TMEM120B: variants seen among roughly 807,000 people sequenced by gnomAD.
TMEM120B encodes transmembrane protein 120B.
TMEM120B carries 31 observed loss-of-function variants against 55.5 expected under a neutral mutation model. That is an observed-to-expected ratio of 0.56 (90% confidence interval 0.42 to 0.75). TMEM120B has a LOEUF of 0.75. Among genes scored for constraint, TMEM120B ranks in the 30% least tolerant of loss-of-function variants. The pLI, the probability that TMEM120B is intolerant of heterozygous loss-of-function variation, is 0.00. For missense variants in TMEM120B, 399 were observed against 425.5 expected, an observed-to-expected ratio of 0.94 and a Z score of 0.55; for synonymous variants, 203 against 176.3, an observed-to-expected ratio of 1.15 and a Z score of -1.20.
chr12:121,736,497 G>A (rs1434641705), intron 1 of TMEM120B, among the ~76,000 whole-genome samples: 8 of 150,894 alleles, frequency 5.3e-5, no homozygotes, highest in South Asian at 2.1e-4. Context: ...CAGGTGATCC[G>A]CCTGCCTTGG....
At chr12:121,732,978 C>CA (rs773677592) in intron 1 of TMEM120B, among the ~76,000 whole-genome samples, 2,523 of 88,478 alleles carry the variant, frequency 0.029, 74 homozygotes, top group African/African-American at 0.082. Flanking sequence ...GACTCTGTCT[C>CA]AAAAAAAAAA....
At chr12:121,744,601 G>A (rs554017972) in intron 2 of TMEM120B, among the ~76,000 whole-genome samples, 4 of 152,262 alleles carry the variant, frequency 2.6e-5, no homozygotes, top group Admixed American at 1.3e-4. Context: ...GGCCTGGATC[G>A]TGTTCATTTC....
chr12:121,773,879 G>A (rs1874146411), intron 9 of TMEM120B, among the ~76,000 whole-genome samples: 1 of 151,764 alleles, frequency 6.6e-6, no homozygotes, highest in Admixed American at 6.6e-5. Context: ...CCATAGGAGT[G>A]CCAGCCAGAA....
chr12:121,716,565 C>CTTTTT (rs56037685), intron 1 of TMEM120B, among the ~76,000 whole-genome samples: 5 of 124,804 alleles, frequency 4.0e-5, no homozygotes, highest in Non-Finnish European at 8.0e-5. Flanking sequence ...TTTTTTCTTT[C>CTTTTT]TTTTTTTTTT....
chr12:121,775,814 T>C lies in TMEM120B; in HGVS notation c.*92T>C. ...AGCCCTCTCAGGCCCGTGGCATCGC[T>C]GGGAGAGGGCCCAGGCCCTGGTCCC... On this transcript the variant is annotated 3_prime_UTR_variant, in exon 12 of 12. Coordinates refer to ENST00000449592, the MANE Select transcript of TMEM120B (RefSeq NM_001080825.2). This position sits in a 1 kb window ranked among gnomAD's most constrained non-coding sequence, Gnocchi z 4.3. 1 of 1,385,376 alleles carries C rather than the reference T, an allele frequency of 7.2e-7. No homozygotes were observed. Among genetic ancestry groups the C allele is most frequent in the Non-Finnish European group, 1.0e-6 (1 of 993,506 alleles). The allele number at this position is 1,385,376 out of a possible 1,614,324, so 85.8% of individuals were successfully genotyped here.
At chr12:121,731,600 C>T (rs1245938147) in intron 1 of TMEM120B, among the ~76,000 whole-genome samples, 32 of 152,134 alleles carry the variant, frequency 2.1e-4, no homozygotes, top group Non-Finnish European at 7.4e-5. Context: ...AGGTTTGTAG[C>T]CCAGGAGCAA....
intron 5 of TMEM120B, among the ~76,000 whole-genome samples, chr12:121,754,932 C>T (rs1462348217): frequency 6.6e-6 from 1 of 152,182 alleles, no homozygotes; most frequent in Non-Finnish European, 1.5e-5. Context: ...ACGAACCTCT[C>T]CCAGCCTCAG....
At chr12:121,771,667 G>C (rs888501016) in intron 8 of TMEM120B, 118 bp downstream of exon 8, 14 of 1,050,016 alleles carry the variant, frequency 1.3e-5, no homozygotes, top group Admixed American at 3.8e-5. Context: ...GACCAGACTG[G>C]GGGAGAGGGT....
intron 1 of TMEM120B, among the ~76,000 whole-genome samples, chr12:121,735,185 C>CAAAAAAAAAAAAA (rs377589219): frequency 4.5e-5 from 3 of 66,864 alleles, no homozygotes; most frequent in Non-Finnish European, 5.7e-5. Flanking sequence ...GACTCTGTCT[C>CAAAAAAAAAAAAA]AAAAAAAAAA....
chr12:121,775,883 C>A lies in TMEM120B; in HGVS notation c.*161C>A. 1.4e-6 allele frequency: 1 copy of A among 736,682 alleles called. No homozygotes were observed. Among genetic ancestry groups the A allele is most frequent in the Non-Finnish European group, 2.3e-6 (1 of 430,526 alleles). The allele number at this position is 736,682 out of a possible 1,614,324, so 45.6% of individuals were successfully genotyped here. A position where few individuals can be genotyped will look rare whatever the true frequency, so the allele number is the denominator to read the frequency against. On this transcript the variant is annotated 3_prime_UTR_variant, in exon 12 of 12. Coordinates refer to ENST00000449592, the MANE Select transcript of TMEM120B (RefSeq NM_001080825.2). This position sits in a 1 kb window ranked among gnomAD's most constrained non-coding sequence, Gnocchi z 4.3. Reference sequence around the variant, plus strand: ...CTAGAGGAATGTGAGCCCCGCCTGTCCGCACAGTGTCCGCCCACCTATTTA... The same window carrying A: ...CTAGAGGAATGTGAGCCCCGCCTGTACGCACAGTGTCCGCCCACCTATTTA...
At chr12:121,772,074 T>C (rs934122468) in intron 8 of TMEM120B, among the ~76,000 whole-genome samples, 10 of 143,468 alleles carry the variant, frequency 7.0e-5, no homozygotes, top group Non-Finnish European at 1.2e-4. Flanking sequence ...TTTCTTTTTC[T>C]TTCTTTCTCT....
intron 1 of TMEM120B, among the ~76,000 whole-genome samples, chr12:121,720,915 G>T (rs1894779364): frequency 6.6e-6 from 1 of 152,096 alleles, no homozygotes; most frequent in Non-Finnish European, 1.5e-5. Context: ...TGACTCCCCA[G>T]TCCTGGATCT....
rs1486918954 is a variant in TMEM120B at position 121,775,700 on chromosome 12, G to C, written c.998G>C (p.Arg333Thr). 1.9e-6 allele frequency: 3 copies of C among 1,614,046 alleles called. No homozygotes were observed. The African/African-American group carries it at 4.0e-5, about 22-fold the overall frequency. ...GTGCATGCCAAGCTCCAGAAGAACA[G>C]AGGCAAGACAAAGCAGCCGTGAGCC... The part of the protein sequence containing the change: ...KVVHAKLQKN[R>T]GKTKQP The change falls in exon 12 of 12, where the codon AGA (arginine) becomes ACA (threonine). Residue 333 changes from arginine to threonine, a missense_variant. Coordinates refer to ENST00000449592, the MANE Select transcript of TMEM120B (RefSeq NM_001080825.2). This position sits in a 1 kb window ranked among gnomAD's most constrained non-coding sequence, Gnocchi z 4.3.
In TMEM120B at chr12:121,743,126, T is replaced by C. The variant is rs540327217; in HGVS notation, c.70-503T>C. Among the ~76,000 whole-genome samples the C allele has an allele frequency of 9.1e-4, 138 of 152,136 alleles. 1 individual carries two copies. The highest frequency in any genetic ancestry group is 3.2e-3 in the Middle Eastern group (1 of 316). On this transcript the variant is annotated intron_variant, in intron 1 of 11. Coordinates refer to ENST00000449592, the MANE Select transcript of TMEM120B (RefSeq NM_001080825.2). The stretch of plus-strand genomic sequence containing the variant: ...TTTCAGGAATGAGCTATTGAATTCA[T>C]TGGAGTGACTGTGTCTGGAGTGGGG...
chr12:121,734,086 G>A (rs945383281), intron 1 of TMEM120B, among the ~76,000 whole-genome samples: 4 of 151,972 alleles, frequency 2.6e-5, no homozygotes, highest in Non-Finnish European at 4.4e-5. Context: ...TTTTATCTAC[G>A]GTGCATAAAA....
intron 5 of TMEM120B, among the ~76,000 whole-genome samples, chr12:121,760,425 C>T (rs897329616): frequency 2.6e-5 from 4 of 152,288 alleles, no homozygotes; most frequent in Admixed American, 2.6e-4. Flanking sequence ...GGTGACCCTC[C>T]TCTGATTCTT....
chr12:121,750,891 CAT>C (rs1873280117), intron 4 of TMEM120B, among the ~76,000 whole-genome samples: 1 of 106,824 alleles, frequency 9.4e-6, no homozygotes, highest in Non-Finnish European at 2.0e-5. Flanking sequence ...CCACACCCCA[CAT>C]CCCACACCCA....
In TMEM120B at chr12:121,721,804, C is replaced by CTTT. The variant is rs56702857; in HGVS notation, c.69+8860_69+8862dup. ...TTTTTTTTGAATGGAATCAGTTCTA[C>CTTT]TTTTTTTTTTTTTTTTTTTTTTGAG... On this transcript the variant is annotated intron_variant, in intron 1 of 11. Coordinates refer to ENST00000449592, the MANE Select transcript of TMEM120B (RefSeq NM_001080825.2). 4.1e-3 allele frequency among the ~76,000 whole-genome samples: 378 copies of CTTT among 91,808 alleles called. 33 individuals carry two copies. Among genetic ancestry groups the CTTT allele is most frequent in the African/African-American group, 0.016 (342 of 21,074 alleles). 60.2% of individuals were successfully genotyped at this position (91,808 alleles called of 152,430 possible).
intron 1 of TMEM120B, among the ~76,000 whole-genome samples, chr12:121,713,171 C>G (rs773168184): frequency 1.4e-4 from 21 of 152,082 alleles, no homozygotes; most frequent in Non-Finnish European, 2.5e-4. Flanking sequence ...CGGGTCGCAG[C>G]CCCCTCTTCC....
Sources: allele counts gnomAD v4.1 joint callset (sites outside exome capture counted in the v4.1 genomes callset), GRCh38; gene constraint gnomAD v4.1.1; non-coding constraint Gnocchi (gnomAD v3.1); transcripts MANE v1.5; gene names NCBI Gene and HGNC (gene_info 2026-07-23, HGNC 2026-07-21).